SHROOM3: variants seen among roughly 807,000 people sequenced by gnomAD.
SHROOM3 encodes the protein protein Shroom3.
In SHROOM3, 47 loss-of-function variants were observed where a neutral mutation model predicts 138.6. The ratio of observed to expected loss-of-function variants is 0.34; its 90% CI spans 0.27 to 0.43. The LOEUF is 0.43. Among genes scored for constraint, SHROOM3 ranks in the 20% least tolerant of loss-of-function variants. The pLI is 1.00. For missense variants in SHROOM3, 2,491 were observed against 2,596.5 expected, an observed-to-expected ratio of 0.96 and a Z score of 0.88; for synonymous variants, 1,062 against 1,063.3, an observed-to-expected ratio of 1.00 and a Z score of 0.02.
intron 1 of SHROOM3, among the ~76,000 whole-genome samples, chr4:76,553,556 A>G (rs1261665422): frequency 2.6e-5 from 4 of 151,996 alleles, no homozygotes; most frequent in Admixed American, 2.0e-4. Context: ...GATTACAGGC[A>G]TGAGACACCG....
intron 2 of SHROOM3, among the ~76,000 whole-genome samples, chr4:76,625,698 G>C (rs951546788): frequency 5.9e-5 from 9 of 152,064 alleles, no homozygotes; most frequent in African/African-American, 2.2e-4. Flanking sequence ...CATACTTTCT[G>C]CCTCTTCCTA....
At chr4:76,775,815 A>G (rs79674491) in intron 10 of SHROOM3, among the ~76,000 whole-genome samples, 11,686 of 150,326 alleles carry the variant, frequency 0.078, 530 homozygotes, top group African/African-American at 0.12. Flanking sequence ...TACTATATAT[A>G]TACACACACA....
At chr4:76,616,817 G>C (rs896877025) in intron 2 of SHROOM3, among the ~76,000 whole-genome samples, 1 of 152,170 alleles carries the variant, frequency 6.6e-6, no homozygotes, top group Non-Finnish European at 1.5e-5. Flanking sequence ...AAATGGCTCA[G>C]ATAGTAAATT....
At position 76,436,051 on chromosome 4, in the gene SHROOM3, G is replaced by C. The variant is rs374170616; in HGVS notation, c.-2G>C. The stretch of plus-strand genomic sequence containing the variant: ...TTTAACTTGAGGGATCATGTGTTTG[G>C]CATGATGAGGACCACTGAAGACTTC... On this transcript the variant is annotated 5_prime_UTR_variant, in exon 1 of 11. Transcript: ENST00000296043. 5.0e-6 allele frequency: 8 copies of C among 1,613,566 alleles called. No homozygotes were observed. In the African/African-American group the frequency reaches 1.1e-4, roughly 22 times the overall value.
intron 2 of SHROOM3, among the ~76,000 whole-genome samples, chr4:76,651,291 A>T (rs1735951282): frequency 6.6e-6 from 1 of 151,524 alleles, no homozygotes; most frequent in East Asian, 1.9e-4. Context: ...GTGTAATTGG[A>T]TTATTTGTAA....
intron 2 of SHROOM3, among the ~76,000 whole-genome samples, chr4:76,588,525 C>T (rs534124997): frequency 1.3e-5 from 2 of 152,238 alleles, no homozygotes; most frequent in East Asian, 3.9e-4. Flanking sequence ...CTTGGCTCTG[C>T]TTGGAAGGTT....
At chr4:76,513,455 AG>A (rs2110006442) in intron 1 of SHROOM3, among the ~76,000 whole-genome samples, 1 of 152,222 alleles carries the variant, frequency 6.6e-6, no homozygotes, top group African/African-American at 2.4e-5. Context: ...CTGGGACTAC[AG>A]GCACCTGCCA....
At chr4:76,605,585 A>G (rs752486082) in intron 2 of SHROOM3, among the ~76,000 whole-genome samples, 16 of 152,128 alleles carry the variant, frequency 1.1e-4, no homozygotes, top group Non-Finnish European at 2.2e-4. Flanking sequence ...GAAACTATAA[A>G]TAAATGGTCA....
Position 76,741,469 on chromosome 4 carries a change from C to T in SHROOM3, c.3296C>T (p.Thr1099Ile). The change falls in exon 5 of 11, where the codon ACC becomes ATC. Residue 1099 changes from threonine (T) to isoleucine (I), a missense_variant. By Grantham distance (89) the Thr-to-Ile change is moderately conservative (BLOSUM62 -1). This residue lies in a region of SHROOM3 where 1,733 missense variants were observed against 1,661.6 expected (regional missense o/e 1.04). Coordinates refer to ENST00000296043, the MANE Select transcript of SHROOM3 (RefSeq NM_020859.4). This position sits in a 1 kb window ranked among gnomAD's most constrained non-coding sequence, Gnocchi z 6.2. The part of the protein sequence containing the change: ...YIQRKTGKRP[T>I]SAAGCSLQEP... ...CAGCGCAAGACCGGCAAGCGGCCTACCTCCGCCGCCGGCTGCAGCCTCCAG... is the reference window on the plus strand; with the variant it reads ...CAGCGCAAGACCGGCAAGCGGCCTATCTCCGCCGCCGGCTGCAGCCTCCAG... The T allele has an allele frequency of 1.3e-6, 2 of 1,564,060 alleles. No homozygotes were observed. Among genetic ancestry groups the T allele is most frequent in the East Asian group, 4.7e-5 (2 of 42,258 alleles).
chr4:76,705,339 CATT>C (rs1720021267), intron 2 of SHROOM3, among the ~76,000 whole-genome samples: 1 of 150,748 alleles, frequency 6.6e-6, no homozygotes, highest in Non-Finnish European at 1.5e-5. Context: ...AACAACAAAA[CATT>C]AAAAATCAGC....
intron 1 of SHROOM3, among the ~76,000 whole-genome samples, chr4:76,457,523 C>T (rs183866376): frequency 9.2e-4 from 138 of 150,612 alleles, no homozygotes; most frequent in Middle Eastern, 3.4e-3. Context: ...GATGGAGTCT[C>T]GCTCTGTCTC....
At chr4:76,612,845 C>T (rs1734791829) in intron 2 of SHROOM3, among the ~76,000 whole-genome samples, 1 of 152,074 alleles carries the variant, frequency 6.6e-6, no homozygotes, top group Non-Finnish European at 1.5e-5. Context: ...GAGGCAGAGG[C>T]AGAAGGATCA....
intron 1 of SHROOM3, among the ~76,000 whole-genome samples, chr4:76,484,816 A>T (rs1196563070): frequency 2.0e-5 from 3 of 152,162 alleles, no homozygotes; most frequent in Non-Finnish European, 2.9e-5. Flanking sequence ...GAGAAAATGG[A>T]TAAGGCCAGC....
chr4:76,523,451 A>G (rs1732612083), intron 1 of SHROOM3, among the ~76,000 whole-genome samples: 1 of 152,190 alleles, frequency 6.6e-6, no homozygotes, highest in Admixed American at 6.5e-5. Flanking sequence ...ATAGGATGGG[A>G]GCATGTACAA....
intron 2 of SHROOM3, among the ~76,000 whole-genome samples, chr4:76,659,458 T>C (rs552438223): frequency 6.6e-6 from 1 of 152,378 alleles, no homozygotes; most frequent in Non-Finnish European, 1.5e-5. Flanking sequence ...TTTAGAGCCA[T>C]ATGTTAGACA....
At chr4:76,611,825 C>G (rs943173387) in intron 2 of SHROOM3, among the ~76,000 whole-genome samples, 1 of 152,214 alleles carries the variant, frequency 6.6e-6, no homozygotes, top group African/African-American at 2.4e-5. Flanking sequence ...CTGGCTCCAG[C>G]TTCTGGAGTT....
chr4:76,530,778 G>A (rs558104333), intron 1 of SHROOM3, among the ~76,000 whole-genome samples: 1 of 152,270 alleles, frequency 6.6e-6, no homozygotes, highest in South Asian at 2.1e-4. Flanking sequence ...GGACCAGATT[G>A]ACAAGAAGCA....
intron 9 of SHROOM3, among the ~76,000 whole-genome samples, chr4:76,770,337 AAAAAAAAAAAAAAACAG>A (rs1174148703): frequency 6.8e-6 from 1 of 147,932 alleles, no homozygotes; most frequent in Non-Finnish European, 1.5e-5. Context: ...AAAAAAAAAA[AAAAAAAAAAAAAAACAG>A]AAGACAAAGC....
chr4:76,516,437 T>C (rs1331625400), intron 1 of SHROOM3, among the ~76,000 whole-genome samples: 1 of 152,146 alleles, frequency 6.6e-6, no homozygotes, highest in Non-Finnish European at 1.5e-5. Flanking sequence ...TCTTATGACA[T>C]GAAGGACTGG....
Sources: gnomAD v4.1 joint callset for allele counts (sites outside exome capture counted in the v4.1 genomes callset) on GRCh38, gnomAD v4.1.1 for gene constraint, gnomAD v4.1.1 regional missense constraint, Gnocchi (gnomAD v3.1) non-coding constraint, MANE v1.5 for transcripts, NCBI Gene and HGNC (gene_info 2026-07-23, HGNC 2026-07-21) for gene names.